DACH1: variants seen among roughly 807,000 people sequenced by gnomAD.
DACH1 encodes dachshund family transcription factor 1, also known as dachshund homolog 1.
Under a neutral mutation model 54.2 loss-of-function variants are expected in DACH1, and 12 were observed. The observed-to-expected ratio is 0.22, with a 90% confidence interval of 0.14 to 0.36. DACH1 has a LOEUF of 0.36. Among genes scored for constraint, DACH1 ranks in the 10% least tolerant of loss-of-function variants. DACH1 has a pLI of 1.00. For missense variants in DACH1, 805 were observed against 929.8 expected, an observed-to-expected ratio of 0.87 and a Z score of 1.75; for synonymous variants, 386 against 366.2, an observed-to-expected ratio of 1.05 and a Z score of -0.62.
intron 3 of DACH1, among the ~76,000 whole-genome samples, chr13:71,586,099 G>GA (rs558116259): frequency 5.1e-4 from 77 of 152,028 alleles, no homozygotes; most frequent in African/African-American, 1.6e-3. Context: ...TTTTAATTAA[G>GA]AAAAAACTAT....
intron 6 of DACH1, among the ~76,000 whole-genome samples, chr13:71,499,268 CCTTT>C (rs1879718258): frequency 6.6e-6 from 1 of 152,134 alleles, no homozygotes. Context: ...ACTTAATTGA[CCTTT>C]CTGTCATTTC....
intron 6 of DACH1, among the ~76,000 whole-genome samples, chr13:71,503,143 A>G (rs1299055448): frequency 1.3e-5 from 2 of 152,180 alleles, no homozygotes; most frequent in Admixed American, 6.6e-5. Flanking sequence ...TCCTTCCCAC[A>G]TACAACAACT....
intron 2 of DACH1, among the ~76,000 whole-genome samples, chr13:71,664,498 T>C (rs1158697202): frequency 1.3e-5 from 2 of 151,878 alleles, no homozygotes; most frequent in East Asian, 1.9e-4. Flanking sequence ...AATAAAAACA[T>C]AAAAGGACCC....
intron 1 of DACH1, among the ~76,000 whole-genome samples, chr13:71,786,813 T>C (rs1301755063): frequency 1.3e-5 from 2 of 152,214 alleles, no homozygotes; most frequent in Non-Finnish European, 2.9e-5. Flanking sequence ...GCTTTTCTAA[T>C]GTTTCTTCTT....
chr13:71,511,875 T>G (rs1448125381), intron 6 of DACH1, among the ~76,000 whole-genome samples: 2 of 151,920 alleles, frequency 1.3e-5, no homozygotes, highest in African/African-American at 2.4e-5. Flanking sequence ...GCTAGGAGAT[T>G]TAACAAACAG....
intron 1 of DACH1, among the ~76,000 whole-genome samples, chr13:71,826,870 C>T (rs1409453375): frequency 6.6e-6 from 1 of 151,952 alleles, no homozygotes; most frequent in African/African-American, 2.4e-5. Flanking sequence ...GGGTTAATTG[C>T]GTGAATCTTC....
chr13:71,457,527 GA>G (rs530651371), intron 10 of DACH1, among the ~76,000 whole-genome samples: 168 of 148,810 alleles, frequency 1.1e-3, no homozygotes, highest in African/African-American at 3.9e-3. Context: ...TAACTCCCAC[GA>G]AAAAAAAAGC....
chr13:71,759,571 T>A (rs1407288292), intron 1 of DACH1, among the ~76,000 whole-genome samples: 2 of 152,192 alleles, frequency 1.3e-5, no homozygotes, highest in African/African-American at 4.8e-5. Context: ...CAATAATGAT[T>A]ACTAAACCAA....
intron 4 of DACH1, 78 bp downstream of exon 4, chr13:71,572,762 T>C: frequency 6.9e-7 from 1 of 1,454,328 alleles, no homozygotes; most frequent in South Asian, 1.4e-5. Context: ...CAGATGTACT[T>C]ATGGAATAAG....
intron 6 of DACH1, among the ~76,000 whole-genome samples, chr13:71,514,765 C>T (rs1045884314): frequency 1.3e-5 from 2 of 151,832 alleles, no homozygotes; most frequent in Non-Finnish European, 2.9e-5. Context: ...TTTATAACTT[C>T]AGCTTAGTTA....
At chr13:71,532,283 A>T (rs1289942029) in intron 6 of DACH1, among the ~76,000 whole-genome samples, 1 of 151,974 alleles carries the variant, frequency 6.6e-6, no homozygotes, top group African/African-American at 2.4e-5. Context: ...TAAGAAAAAG[A>T]TATATTTCCT....
intron 10 of DACH1, among the ~76,000 whole-genome samples, chr13:71,448,900 C>G (rs764318517): frequency 2.0e-5 from 3 of 149,436 alleles, no homozygotes; most frequent in Non-Finnish European, 4.4e-5. Flanking sequence ...GAGGACTAGA[C>G]ATCATATTAG....
intron 4 of DACH1, among the ~76,000 whole-genome samples, chr13:71,561,099 G>A (rs1384743502): frequency 6.6e-6 from 1 of 152,094 alleles, no homozygotes; most frequent in Non-Finnish European, 1.5e-5. Context: ...GTTTTGTACT[G>A]CCAGTGAGAA....
chr13:71,693,748 A>T (rs1881659307), intron 1 of DACH1, among the ~76,000 whole-genome samples: 1 of 152,094 alleles, frequency 6.6e-6, no homozygotes, highest in African/African-American at 2.4e-5. Context: ...GTATGGTTAT[A>T]CTTGTTCTAT....
At chr13:71,851,755 C>A (rs1204339722) in intron 1 of DACH1, among the ~76,000 whole-genome samples, 2 of 152,190 alleles carry the variant, frequency 1.3e-5, no homozygotes, top group Non-Finnish European at 2.9e-5. Flanking sequence ...CAACTGACAT[C>A]ATAATTTATG....
At chr13:71,848,828 A>G (rs1338271288) in intron 1 of DACH1, among the ~76,000 whole-genome samples, 1 of 152,180 alleles carries the variant, frequency 6.6e-6, no homozygotes, top group East Asian at 1.9e-4. Context: ...CCTGGCCCAG[A>G]TGACAATTCT....
chr13:71,596,883 G>A (rs990499488), intron 3 of DACH1, among the ~76,000 whole-genome samples: 2 of 152,152 alleles, frequency 1.3e-5, no homozygotes, highest in African/African-American at 2.4e-5. Flanking sequence ...GGACTTTCAA[G>A]GAGAGGTTGA....
At position 71,577,676 on chromosome 13, in the gene DACH1, A is replaced by G. The variant is rs549512941; in HGVS notation, c.1127-4664T>C. 3.3e-5 allele frequency among the ~76,000 whole-genome samples: 5 copies of G among 152,336 alleles called. No individual in the cohort carries two copies. The East Asian group carries it at 5.8e-4, about 18-fold the overall frequency. On this transcript the variant is annotated intron_variant, in intron 3 of 10. Transcript: ENST00000613252. ...TACATAAACATACACAAGAAAATGAATAACAAATATGGCTATATTATAAAT... is the reference window on the plus strand; with the variant it reads ...TACATAAACATACACAAGAAAATGAGTAACAAATATGGCTATATTATAAAT...
chr13:71,767,405 C>A (rs1460085620), intron 1 of DACH1, among the ~76,000 whole-genome samples: 1 of 151,864 alleles, frequency 6.6e-6, no homozygotes, highest in African/African-American at 2.4e-5. Context: ...TCTGAATGAC[C>A]ACATAATAAA....
Sources: gnomAD v4.1 joint callset for allele counts (sites outside exome capture counted in the v4.1 genomes callset) on GRCh38, gnomAD v4.1.1 for gene constraint, MANE v1.5 for transcripts, NCBI Gene and HGNC (gene_info 2026-07-23, HGNC 2026-07-21) for gene names.